DLL3: variants seen among roughly 807,000 people sequenced by gnomAD.
DLL3 encodes the protein delta like canonical Notch ligand 3, also known as delta-like protein 3.
In DLL3, 49 loss-of-function variants were observed where a neutral mutation model predicts 55.0. That is an observed-to-expected ratio of 0.89 (90% CI 0.71 to 1.13). The LOEUF (loss-of-function observed/expected upper bound fraction) is 1.13, where lower values mean the gene tolerates loss of function less well. DLL3 is among the 50% of genes most tolerant of loss of function. DLL3 has a pLI of 0.00. For synonymous variants in DLL3, 421 were observed against 385.2 expected (o/e 1.09, Z -1.09); for missense variants, 962 against 875.5 (o/e 1.10, Z -1.25).
intron 7 of DLL3, 60 bp from the exon 8 acceptor site, chr19:39,507,770 G>A: frequency 6.2e-7 from 1 of 1,612,152 alleles, no homozygotes; most frequent in East Asian, 2.2e-5. Context: ...GATGGGTAGG[G>A]GAAAACAAGA....
intron 6 of DLL3, among the ~76,000 whole-genome samples, chr19:39,506,388 C>A (rs944259372): frequency 1.0e-4 from 15 of 148,694 alleles, no homozygotes; most frequent in Non-Finnish European, 1.8e-4. Flanking sequence ...AAAAAAAGAT[C>A]ATGAATGTAA....
chr19:39,505,308 C>T lies in DLL3; in HGVS notation c.950C>T (p.Ala317Val). The change falls in exon 6 of 9, where the codon GCA (alanine) becomes GTA (valine). Residue 317 changes from alanine (A) to valine (V), a missense_variant. By Grantham distance (64) the Ala-to-Val change is moderately conservative (BLOSUM62 0). Transcript: ENST00000356433. ...LRCEVSGVTC[A>V]DGPCFNGGLC... ...TGTGAGGTGAGCGGGGTGACATGTG[C>T]AGATGGACCCTGCTTCAACGGCGGC... 1 of 1,614,202 alleles carries T rather than the reference C, an allele frequency of 6.2e-7. No homozygotes were observed. Among genetic ancestry groups the T allele is most frequent in the East Asian group, 2.2e-5 (1 of 44,882 alleles).
intron 3 of DLL3, among the ~76,000 whole-genome samples, chr19:39,502,341 G>A (rs1384173451): frequency 6.6e-6 from 1 of 151,406 alleles, no homozygotes; most frequent in Non-Finnish European, 1.5e-5. Context: ...TCGGCTCACT[G>A]CAACCTCCAC....
rs766274162 is a variant in DLL3 at position 39,507,323 on chromosome 19, A to G, written c.1378A>G (p.Met460Val). ...GLVCACAPGY[M>V]GARCEFPVHP... ...CGTCTGCGCTTGCGCTCCCGGCTAC[A>G]TGGGAGCGCGGTGTGAGTTCCCAGT... Residue 460 changes from methionine to valine, a missense_variant, in exon 7 of 9, where the codon ATG (methionine) becomes GTG (valine). By Grantham distance (21) the Met-to-Val change is conservative (BLOSUM62 1). Coordinates refer to ENST00000356433, the MANE Select transcript of DLL3 (RefSeq NM_203486.3). 20 of 1,566,098 alleles carry G rather than the reference A, an allele frequency of 1.3e-5. No homozygotes were observed. Among genetic ancestry groups the G allele is most frequent in the Middle Eastern group, 1.7e-4 (1 of 5,950 alleles).
chr19:39,508,405 T>C lies in DLL3; in HGVS notation c.*148T>C. 1.2e-6 allele frequency: 1 copy of C among 868,024 alleles called. No homozygotes were observed. Among genetic ancestry groups the C allele is most frequent in the Non-Finnish European group, 1.9e-6 (1 of 531,152 alleles). The allele number at this position is 868,024 out of a possible 1,614,324, so 53.8% of individuals were successfully genotyped here. A position where few individuals can be genotyped will look rare whatever the true frequency, so the allele number is the denominator to read the frequency against. On this transcript the variant is annotated 3_prime_UTR_variant, in exon 9 of 9. Transcript: ENST00000356433. ...TGTTGCAAGTTGTAAATAATGGTTATTTATATCCTATTTTTTCTCACCCCA... is the reference window on the plus strand; with the variant it reads ...TGTTGCAAGTTGTAAATAATGGTTACTTATATCCTATTTTTTCTCACCCCA...
rs768998068 is a variant in DLL3 at position 39,507,307 on chromosome 19, T to G, written c.1362T>G (p.Ala454=). Residue 454 remains alanine, a synonymous_variant, in exon 7 of 9, where the codon GCT becomes GCG. Coordinates refer to ENST00000356433, the MANE Select transcript of DLL3 (RefSeq NM_203486.3). ...CYAHFSGLVC[A]CAPGYMGARC... ...CCCACTTCTCCGGCCTCGTCTGCGC[T>G]TGCGCTCCCGGCTACATGGGAGCGC... 11 of 1,557,820 alleles carry G rather than the reference T, an allele frequency of 7.1e-6. No individual in the cohort carries two copies. In the South Asian group the frequency reaches 1.3e-4, roughly 18 times the overall value.
intron 8 of DLL3, 92 bp downstream of exon 8, chr19:39,508,006 T>G: frequency 6.2e-7 from 1 of 1,613,152 alleles, no homozygotes; most frequent in South Asian, 1.1e-5. Context: ...ATTCTGTCCG[T>G]GAAATGAATT....
In DLL3 at chr19:39,507,903, T is replaced by G. The variant is rs1400116671; in HGVS notation, c.1747T>G (p.Tyr583Asp). ...GIYVISAPSIYAREA is the reference protein window; with the variant it reads ...GIYVISAPSIDAREA ...TTATGTCATATCTGCTCCTTCCATCTACGCTCGGGAGGTAGCGACGCCCCT... is the reference window on the plus strand; with the variant it reads ...TTATGTCATATCTGCTCCTTCCATCGACGCTCGGGAGGTAGCGACGCCCCT... The change falls in exon 8 of 9, where the codon TAC (tyrosine) becomes GAC (aspartate). Residue 583 changes from tyrosine (Y) to aspartate (D), a missense_variant. By Grantham distance (160) the Tyr-to-Asp change is radical. Coordinates refer to ENST00000356433, the MANE Select transcript of DLL3 (RefSeq NM_203486.3). 1 of 1,614,216 alleles carries G rather than the reference T, an allele frequency of 6.2e-7. No individual in the cohort carries two copies. Among genetic ancestry groups the G allele is most frequent in the Admixed American group, 1.7e-5 (1 of 60,024 alleles).
intron 6 of DLL3, among the ~76,000 whole-genome samples, chr19:39,505,938 CG>C (rs2079637990): frequency 6.6e-6 from 1 of 152,014 alleles, no homozygotes; most frequent in South Asian, 2.1e-4. Flanking sequence ...CGGCCCGGCA[CG>C]GCGACTCACG....
chr19:39,504,363 A>T, intron 5 of DLL3, 75 bp downstream of exon 5: 1 of 1,492,698 alleles, frequency 6.7e-7, no homozygotes, highest in Non-Finnish European at 9.2e-7. Flanking sequence ...CTGGGGCTCC[A>T]TGAGACACCA....
Position 39,504,264 on chromosome 19 carries a change from G to A in DLL3, c.846G>A (p.Pro282=), listed in dbSNP as rs372831253. 19 of 1,612,752 alleles carry A rather than the reference G, an allele frequency of 1.2e-5. No individual in the cohort carries two copies. The Middle Eastern group carries it at 6.6e-4, about 56-fold the overall frequency. The change falls in exon 5 of 9, where the codon CCG becomes CCA. Residue 282 remains proline, a synonymous_variant. Transcript: ENST00000356433. ...VPGPGPCDGN[P]CANGGSCSET... ...GGCCTGGGCCCTGTGACGGGAACCC[G>A]TGTGCCAATGGAGGCAGCTGTAGTG...
chr19:39,500,230 C>T (rs1421437266), intron 2 of DLL3, among the ~76,000 whole-genome samples: 2 of 150,296 alleles, frequency 1.3e-5, no homozygotes, highest in Admixed American at 1.3e-4. Flanking sequence ...CAGTTTGAGA[C>T]CAGTCTCAGT....
chr19:39,502,101 G>T (rs1347615326), intron 3 of DLL3, among the ~76,000 whole-genome samples: 1 of 151,594 alleles, frequency 6.6e-6, no homozygotes, highest in African/African-American at 2.4e-5. Context: ...GCAGGAGAAT[G>T]GCGTGAACCC....
Position 39,508,119 on chromosome 19 carries a change from T to C in DLL3, c.1759-133T>C, listed in dbSNP as rs1254667188. ...TTTTGAGCTACCTGCCATCTTCTCT[T>C]TGAAAAACCTATGGGCTTGAGGAGG... On this transcript the variant is annotated intron_variant, in intron 8 of 8. Coordinates refer to ENST00000356433, the MANE Select transcript of DLL3 (RefSeq NM_203486.3). 3.1e-6 allele frequency: 5 copies of C among 1,612,550 alleles called. No individual in the cohort carries two copies. In the Admixed American group the frequency reaches 6.7e-5, roughly 22 times the overall value.
Position 39,507,874 on chromosome 19 carries a change from G to A in DLL3, c.1718G>A (p.Gly573Glu), listed in dbSNP as rs868518306. ...CGCCCTGAAGATGTAGACCCTCAAG[G>A]GATTTATGTCATATCTGCTCCTTCC... ...WNRPEDVDPQ[G>E]IYVISAPSIY... The change falls in exon 8 of 9, where the codon GGG becomes GAG. Residue 573 changes from glycine to glutamate, a missense_variant. Gly to Glu is a moderately conservative substitution (Grantham distance 98). Coordinates refer to ENST00000356433, the MANE Select transcript of DLL3 (RefSeq NM_203486.3). 6.2e-7 allele frequency: 1 copy of A among 1,614,064 alleles called. No homozygotes were observed. The highest frequency in any genetic ancestry group is 1.1e-5 in the South Asian group (1 of 91,086).
chr19:39,507,490 G>T lies in DLL3; in HGVS notation c.1545G>T (p.Val515=). The T allele has an allele frequency of 6.3e-7, 1 of 1,594,380 alleles. No homozygotes were observed. The highest frequency in any genetic ancestry group is 8.5e-7 in the Non-Finnish European group (1 of 1,171,718). The change falls in exon 7 of 9, where the codon GTG becomes GTT. Residue 515 remains valine (V), a synonymous_variant. Coordinates refer to ENST00000356433, the MANE Select transcript of DLL3 (RefSeq NM_203486.3). The stretch of plus-strand genomic sequence containing the variant: ...GCGCTGCGCTCTTGCTGGTCCACGT[G>T]CGCCGCCGTGGCCACTCCCAGGATG... ...VAGAALLLVH[V]RRRGHSQDAG...
chr19:39,504,330 C>T (rs775728733), intron 5 of DLL3, 42 bp downstream of exon 5: 8 of 1,600,770 alleles, frequency 5.0e-6, no homozygotes, highest in South Asian at 2.2e-5. Flanking sequence ...TAGTACTTTA[C>T]CCTGGGAGCC....
chr19:39,507,317 G>T lies in DLL3; in HGVS notation c.1372G>T (p.Gly458Cys). 6.4e-7 allele frequency: 1 copy of T among 1,562,910 alleles called. No individual in the cohort carries two copies. Among genetic ancestry groups the T allele is most frequent in the Non-Finnish European group, 8.6e-7 (1 of 1,162,232 alleles). ...CGGCCTCGTCTGCGCTTGCGCTCCC[G>T]GCTACATGGGAGCGCGGTGTGAGTT... ...FSGLVCACAP[G>C]YMGARCEFPV... Residue 458 changes from glycine (G) to cysteine (C), a missense_variant, in exon 7 of 9, where the codon GGC becomes TGC. Coordinates refer to ENST00000356433, the MANE Select transcript of DLL3 (RefSeq NM_203486.3).
At chr19:39,505,507 G>T (rs761274470) in intron 6 of DLL3, 56 bp downstream of exon 6, 6 of 1,594,922 alleles carry the variant, frequency 3.8e-6, no homozygotes, top group Non-Finnish European at 5.1e-6. Context: ...GGATGGCTCA[G>T]ACAGTCCAGG....
Sources: gnomAD v4.1 joint callset for allele counts (sites outside exome capture counted in the v4.1 genomes callset) on GRCh38, gnomAD v4.1.1 for gene constraint, MANE v1.5 for transcripts, NCBI Gene and HGNC (gene_info 2026-07-23, HGNC 2026-07-21) for gene names.